The following CHD7 variants were observed in gnomAD, a reference collection of about 807,000 sequenced individuals.
The protein encoded by CHD7 is ATP-dependent chromatin remodeler CHD7.
CHD7 carries 24 observed loss-of-function variants against 307.3 expected under a neutral mutation model. That is an observed-to-expected ratio of 0.08 (90% CI 0.06 to 0.11). The LOEUF (loss-of-function observed/expected upper bound fraction) is 0.11. Among genes scored for constraint, CHD7 ranks in the 10% least tolerant of loss-of-function variants. The pLI is 1.00. For missense variants in CHD7, 3,106 were observed against 3,727.1 expected (o/e 0.83, Z 4.34); for synonymous variants, 1,363 against 1,349.9 (o/e 1.01, Z -0.21).
chr8:60,709,556 A>G (rs1301852733), intron 1 of CHD7, among the ~76,000 whole-genome samples: 1 of 152,096 alleles, frequency 6.6e-6, no homozygotes, highest in Non-Finnish European at 1.5e-5. Context: ...GTTCATGAAG[A>G]ATTTCTTGTT....
chr8:60,751,214 T>A (rs139500092), intron 2 of CHD7, among the ~76,000 whole-genome samples: 97 of 152,314 alleles, frequency 6.4e-4, no homozygotes, highest in African/African-American at 2.1e-3. Flanking sequence ...TTTGCCTGTC[T>A]CTAATACAAT....
chr8:60,850,427 T>C, intron 25 of CHD7, 66 bp from the exon 26 acceptor site: 2 of 1,549,662 alleles, frequency 1.3e-6, no homozygotes, highest in Non-Finnish European at 1.8e-6. Context: ...AGTGCTGTGA[T>C]TTTGCCAGTG....
intron 22 of CHD7, 24 bp from the exon 23 acceptor site, chr8:60,845,223 CTAT>C: frequency 1.3e-6 from 2 of 1,596,498 alleles, no homozygotes; most frequent in Non-Finnish European, 1.7e-6. Flanking sequence ...TAAAAGGCTT[CTAT>C]TATTATTATG....
chr8:60,679,264 C>T (rs1805438649), intron 1 of CHD7, among the ~76,000 whole-genome samples, 182 bp downstream of exon 1: 1 of 147,962 alleles, frequency 6.8e-6, no homozygotes, highest in South Asian at 2.1e-4. Context: ...GAGCGCAGCG[C>T]CGCCCGCGTA....
chr8:60,802,876 T>C (rs1308610388), intron 6 of CHD7, among the ~76,000 whole-genome samples: 1 of 152,232 alleles, frequency 6.6e-6, no homozygotes, highest in Admixed American at 6.5e-5. Flanking sequence ...GTTTTGCTAT[T>C]GTGTGATTCA....
At chr8:60,830,254 C>A in intron 14 of CHD7, 68 bp from the exon 15 acceptor site, 1 of 1,461,126 alleles carries the variant, frequency 6.8e-7, no homozygotes, top group Non-Finnish European at 9.3e-7. Context: ...CCTGATGTTT[C>A]ATGTTAAAAT....
intron 1 of CHD7, among the ~76,000 whole-genome samples, chr8:60,734,156 G>T (rs891057109): frequency 2.6e-5 from 4 of 152,190 alleles, no homozygotes; most frequent in Non-Finnish European, 5.9e-5. Flanking sequence ...GCCATTTGTT[G>T]TTGATCCATT....
intron 36 of CHD7, 47 bp downstream of exon 36, chr8:60,862,383 A>G (rs1806037449): frequency 6.4e-7 from 1 of 1,564,882 alleles, no homozygotes; most frequent in Non-Finnish European, 8.6e-7. Context: ...TTCTTAGCCC[A>G]GAAGGAAGTG....
At chr8:60,851,770 C>G (rs748792161) in intron 28 of CHD7, among the ~76,000 whole-genome samples, 36 of 152,088 alleles carry the variant, frequency 2.4e-4, no homozygotes, top group Non-Finnish European at 3.1e-4. Context: ...GAAGTTTATG[C>G]TGTAAAGTGT....
chr8:60,848,497 C>T lies in CHD7; in HGVS notation c.5211-18C>T, dbSNP rs749368541. 3.1e-6 allele frequency: 5 copies of T among 1,597,896 alleles called. No homozygotes were observed. The highest frequency in any genetic ancestry group is 4.3e-6 in the Non-Finnish European group (5 of 1,168,860). On this transcript the variant is annotated intron_variant, in intron 23 of 37. Coordinates refer to ENST00000423902, the MANE Select transcript of CHD7 (RefSeq NM_017780.4). Reference sequence around the variant, plus strand: ...CCTGAAGTTAAGAACTTTTTCCCCCCTCTGTCTTCCTCTCCAGGGTCCTGC... The same window carrying T: ...CCTGAAGTTAAGAACTTTTTCCCCCTTCTGTCTTCCTCTCCAGGGTCCTGC...
At chr8:60,793,630 T>A (rs558138163) in intron 3 of CHD7, among the ~76,000 whole-genome samples, 1 of 152,366 alleles carries the variant, frequency 6.6e-6, no homozygotes, top group South Asian at 2.1e-4. Flanking sequence ...ACATGCTGTT[T>A]AATGCATTCT....
intron 1 of CHD7, among the ~76,000 whole-genome samples, chr8:60,701,983 G>C (rs1001401545): frequency 1.3e-5 from 2 of 152,236 alleles, no homozygotes; most frequent in Non-Finnish European, 2.9e-5. Flanking sequence ...GGTGTTTTCT[G>C]GAGGTATTAT....
chr8:60,831,558 G>A (rs776076510), intron 15 of CHD7, among the ~76,000 whole-genome samples: 2 of 151,986 alleles, frequency 1.3e-5, no homozygotes, highest in African/African-American at 2.4e-5. Flanking sequence ...CATGACTAGT[G>A]TTTGAGCTGA....
rs140584116 is a variant in CHD7 at position 60,799,735 on chromosome 8, A to G, written c.2239-653A>G. On this transcript the variant is annotated intron_variant, in intron 4 of 37. Transcript: ENST00000423902. ...GTACAAAGGTAGAGAGAGTAGTATA[A>G]TGAACCCCTATAGATTCATTAGCCA... 4.4e-3 allele frequency among the ~76,000 whole-genome samples: 667 copies of G among 152,296 alleles called. 4 individuals carry two copies. The highest frequency in any genetic ancestry group is 0.015 in the African/African-American group (641 of 41,560).
chr8:60,695,747 T>C (rs1007897661), intron 1 of CHD7, among the ~76,000 whole-genome samples: 42 of 152,168 alleles, frequency 2.8e-4, no homozygotes, highest in African/African-American at 1.0e-3. Flanking sequence ...AATTTCCAAA[T>C]TATGGAATAA....
At chr8:60,684,508 G>T (rs1259391335) in intron 1 of CHD7, among the ~76,000 whole-genome samples, 2 of 152,220 alleles carry the variant, frequency 1.3e-5, no homozygotes, top group Non-Finnish European at 2.9e-5. Flanking sequence ...GCCAGGAGGA[G>T]TGAGAGCTTA....
chr8:60,699,186 AC>A (rs1806636400), intron 1 of CHD7, among the ~76,000 whole-genome samples: 1 of 152,222 alleles, frequency 6.6e-6, no homozygotes, highest in African/African-American at 2.4e-5. Context: ...TACCTATAGA[AC>A]ATTTTGCTGG....
chr8:60,850,809 G>C, intron 26 of CHD7, 187 bp downstream of exon 26: 1 of 747,982 alleles, frequency 1.3e-6, no homozygotes. Flanking sequence ...TTGATAATCT[G>C]AAACTTGTTT....
At chr8:60,792,103 C>T (rs1252438253) in intron 3 of CHD7, among the ~76,000 whole-genome samples, 2 of 152,144 alleles carry the variant, frequency 1.3e-5, no homozygotes, top group Non-Finnish European at 2.9e-5. Context: ...GAAACTGAGG[C>T]TCAGACAAAT....
Sources: allele counts gnomAD v4.1 joint callset (sites outside exome capture counted in the v4.1 genomes callset), GRCh38; gene constraint gnomAD v4.1.1; transcripts MANE v1.5; gene names NCBI Gene and HGNC (gene_info 2026-07-23, HGNC 2026-07-21).